TAFA1: variants seen among roughly 807,000 people sequenced by gnomAD.
TAFA1 encodes TAFA chemokine like family member 1.
In TAFA1, 4 loss-of-function variants were observed where a neutral mutation model predicts 18.5. The ratio of observed to expected loss-of-function variants is 0.22; its 90% CI spans 0.11 to 0.49. The LOEUF is 0.49. Among genes scored for constraint, TAFA1 ranks in the 20% least tolerant of loss-of-function variants. The pLI, the probability that TAFA1 is intolerant of heterozygous loss-of-function variation, is 0.98. For missense variants in TAFA1, 147 were observed against 169.0 expected (o/e 0.87, Z 0.72); for synonymous variants, 56 against 55.2 (o/e 1.01, Z -0.06).
intron 2 of TAFA1, among the ~76,000 whole-genome samples, chr3:68,358,847 T>C (rs977363738): frequency 9.2e-5 from 14 of 151,486 alleles, no homozygotes; most frequent in South Asian, 2.1e-4. Context: ...TTTTGTAAAC[T>C]GTTGTCACCA....
At chr3:68,524,464 C>T (rs1025777111) in intron 3 of TAFA1, among the ~76,000 whole-genome samples, 2 of 151,980 alleles carry the variant, frequency 1.3e-5, no homozygotes, top group African/African-American at 4.8e-5. Context: ...ATTGTTCTTA[C>T]AATCAGAAAA....
At chr3:68,531,279 G>C (rs928059219) in intron 3 of TAFA1, among the ~76,000 whole-genome samples, 1 of 152,156 alleles carries the variant, frequency 6.6e-6, no homozygotes, top group Non-Finnish European at 1.5e-5. Context: ...TTGACCGAAT[G>C]ACTTAAAGCA....
At chr3:68,246,293 T>C (rs1040159332) in intron 2 of TAFA1, among the ~76,000 whole-genome samples, 7 of 152,114 alleles carry the variant, frequency 4.6e-5, no homozygotes, top group Non-Finnish European at 2.9e-5. Flanking sequence ...ATATTTTTTC[T>C]ATAAATTGAG....
At chr3:68,126,065 C>A (rs2065461247) in intron 2 of TAFA1, among the ~76,000 whole-genome samples, 1 of 152,200 alleles carries the variant, frequency 6.6e-6, no homozygotes. Context: ...ACTCTCTCTG[C>A]TCCTTCGCTC....
At chr3:68,144,463 G>A (rs1285049263) in intron 2 of TAFA1, among the ~76,000 whole-genome samples, 3 of 152,142 alleles carry the variant, frequency 2.0e-5, no homozygotes, top group African/African-American at 4.8e-5. Context: ...ACTTAAAAAC[G>A]TGGATGGTAA....
intron 2 of TAFA1, among the ~76,000 whole-genome samples, chr3:68,184,807 G>A (rs956695463): frequency 6.6e-6 from 1 of 152,044 alleles, no homozygotes; most frequent in African/African-American, 2.4e-5. Context: ...AGTGGCCTGT[G>A]GACCACCATT....
At chr3:68,097,199 G>T (rs1361664303) in intron 2 of TAFA1, among the ~76,000 whole-genome samples, 1 of 152,022 alleles carries the variant, frequency 6.6e-6, no homozygotes, top group African/African-American at 2.4e-5. Context: ...TGTAACCTGG[G>T]GTTGGGTTTC....
chr3:68,153,021 A>G (rs1308578347), intron 2 of TAFA1, among the ~76,000 whole-genome samples: 10 of 152,134 alleles, frequency 6.6e-5, no homozygotes, highest in Non-Finnish European at 1.5e-4. Flanking sequence ...AGGGAAGTTG[A>G]GTCTTAATAG....
intron 2 of TAFA1, among the ~76,000 whole-genome samples, chr3:68,325,318 G>A (rs1469083172): frequency 6.6e-6 from 1 of 152,088 alleles, no homozygotes; most frequent in Non-Finnish European, 1.5e-5. Context: ...CACATCATCT[G>A]GGTTTAATTC....
At chr3:68,314,105 G>A (rs2068566024) in intron 2 of TAFA1, among the ~76,000 whole-genome samples, 2 of 152,084 alleles carry the variant, frequency 1.3e-5, no homozygotes, top group African/African-American at 4.8e-5. Flanking sequence ...ATTTGGCTAG[G>A]CTTTAGGATT....
At chr3:68,051,156 G>C (rs1575591951) in intron 2 of TAFA1, among the ~76,000 whole-genome samples, 1 of 152,214 alleles carries the variant, frequency 6.6e-6, no homozygotes, top group East Asian at 1.9e-4. Context: ...GTTGTTGGAG[G>C]AGATGGACTG....
At chr3:68,447,340 G>A (rs1485609231) in intron 3 of TAFA1, among the ~76,000 whole-genome samples, 1 of 152,174 alleles carries the variant, frequency 6.6e-6, no homozygotes, top group African/African-American at 2.4e-5. Context: ...CTGGTTGTCA[G>A]TCATTGACTG....
intron 2 of TAFA1, among the ~76,000 whole-genome samples, chr3:68,312,640 A>G (rs1389951329): frequency 2.0e-5 from 3 of 152,160 alleles, no homozygotes; most frequent in Non-Finnish European, 4.4e-5. Flanking sequence ...TGTCCATATC[A>G]CTATGAGCAT....
chr3:68,094,184 G>A (rs191700009), intron 2 of TAFA1, among the ~76,000 whole-genome samples: 181 of 152,108 alleles, frequency 1.2e-3, no homozygotes, highest in Middle Eastern at 3.4e-3. Flanking sequence ...AGTTTAACAT[G>A]TTCAAAAATA....
chr3:68,250,731 A>T (rs889772768), intron 2 of TAFA1: 3 of 151,990 alleles, frequency 2.0e-5, no homozygotes, highest in Non-Finnish European at 4.4e-5. Context: ...AGAAAAAAAA[A>T]ATTAGCTAAA....
At chr3:68,007,406 A>G (rs1329633052) in intron 2 of TAFA1, among the ~76,000 whole-genome samples, 1 of 151,816 alleles carries the variant, frequency 6.6e-6, no homozygotes, top group Admixed American at 6.6e-5. Flanking sequence ...TTCAAAGTAT[A>G]TTTCTCACCC....
At chr3:68,257,917 C>T (rs1445926701) in intron 2 of TAFA1, among the ~76,000 whole-genome samples, 2 of 152,102 alleles carry the variant, frequency 1.3e-5, no homozygotes, top group African/African-American at 2.4e-5. Flanking sequence ...TTCATAACCC[C>T]AGCCTAACTA....
intron 2 of TAFA1, among the ~76,000 whole-genome samples, chr3:68,315,288 T>A (rs566421062): frequency 6.6e-6 from 1 of 152,308 alleles, no homozygotes; most frequent in South Asian, 2.1e-4. Flanking sequence ...ACATGCTTAG[T>A]TACCAAGTAC....
At chr3:68,539,279 A>G (rs1009757274) in intron 4 of TAFA1, among the ~76,000 whole-genome samples, 1 of 152,162 alleles carries the variant, frequency 6.6e-6, no homozygotes, top group Admixed American at 6.6e-5. Flanking sequence ...GCCATTTTCT[A>G]ATGTTCTTTA....
Sources: gnomAD v4.1 joint callset for allele counts (sites outside exome capture counted in the v4.1 genomes callset) on GRCh38, gnomAD v4.1.1 for gene constraint, MANE v1.5 for transcripts, NCBI Gene and HGNC (gene_info 2026-07-23, HGNC 2026-07-21) for gene names.